PRDM6: variants seen among roughly 807,000 people sequenced by gnomAD.
PRDM6 encodes PR/SET domain 6, also known as putative histone-lysine N-methyltransferase PRDM6.
A neutral mutation model predicts 60.8 loss-of-function variants in PRDM6; 25 were observed. That is an observed-to-expected ratio of 0.41 (90% CI 0.30 to 0.57). The LOEUF is 0.57. Ranked by LOEUF, PRDM6 falls within the 20% of genes least tolerant of loss-of-function variation. PRDM6 has a pLI of 0.27. For synonymous variants in PRDM6, 407 were observed against 357.4 expected, an observed-to-expected ratio of 1.14 and a Z score of -1.57; for missense variants, 839 against 821.3, an observed-to-expected ratio of 1.02 and a Z score of -0.26.
chr5:123,134,839 C>T (rs1332215728), intron 3 of PRDM6, among the ~76,000 whole-genome samples: 1 of 152,122 alleles, frequency 6.6e-6, no homozygotes, highest in Admixed American at 6.5e-5. Context: ...CAGAGATCTG[C>T]AATAGAATGT....
intron 3 of PRDM6, among the ~76,000 whole-genome samples, chr5:123,113,510 A>G (rs943596512): frequency 9.9e-5 from 15 of 152,222 alleles, no homozygotes; most frequent in African/African-American, 3.6e-4. Flanking sequence ...GCCTTGTTAG[A>G]TGTAGGCACT....
intron 5 of PRDM6, among the ~76,000 whole-genome samples, chr5:123,165,262 A>G (rs1765727948): frequency 6.6e-6 from 1 of 152,014 alleles, no homozygotes; most frequent in Non-Finnish European, 1.5e-5. Context: ...AAACCACTCT[A>G]TTCACTCCCA....
At chr5:123,150,596 T>C (rs1765350584) in intron 3 of PRDM6, among the ~76,000 whole-genome samples, 1 of 152,222 alleles carries the variant, frequency 6.6e-6, no homozygotes, top group Non-Finnish European at 1.5e-5. Context: ...TATTTATCTA[T>C]GTTGGCAAAC....
intron 3 of PRDM6, among the ~76,000 whole-genome samples, chr5:123,101,427 AT>A (rs1764100982): frequency 6.6e-6 from 1 of 152,154 alleles, no homozygotes; most frequent in Non-Finnish European, 1.5e-5. Flanking sequence ...GTTTGGAAAC[AT>A]TTTGGTTTTT....
intron 3 of PRDM6, among the ~76,000 whole-genome samples, chr5:123,133,010 A>C (rs550614111): frequency 6.6e-6 from 1 of 152,120 alleles, no homozygotes; most frequent in Non-Finnish European, 1.5e-5. Flanking sequence ...CAAAATGTAC[A>C]GTATTCTAAT....
chr5:123,179,243 T>C (rs1242814349), intron 6 of PRDM6, among the ~76,000 whole-genome samples: 1 of 152,246 alleles, frequency 6.6e-6, no homozygotes, highest in Non-Finnish European at 1.5e-5. Flanking sequence ...ATAATCTTGC[T>C]AATTATCAGG....
intron 2 of PRDM6, among the ~76,000 whole-genome samples, chr5:123,093,804 C>A (rs1490784199): frequency 6.6e-6 from 1 of 152,112 alleles, no homozygotes; most frequent in Non-Finnish European, 1.5e-5. Context: ...GCGCGCCTGG[C>A]GTTTCTGAGT....
intron 2 of PRDM6, among the ~76,000 whole-genome samples, 151 bp downstream of exon 2, chr5:123,090,757 C>G (rs1215620128): frequency 1.3e-5 from 2 of 152,128 alleles, no homozygotes; most frequent in Non-Finnish European, 2.9e-5. Flanking sequence ...CCGCGCCTCC[C>G]CGATCTCTGT....
At chr5:123,171,771 T>G (rs184548588) in intron 6 of PRDM6, among the ~76,000 whole-genome samples, 264 of 152,308 alleles carry the variant, frequency 1.7e-3, no homozygotes, top group Admixed American at 3.7e-3. Context: ...AGGATGAAAT[T>G]TAGCTGAACA....
intron 3 of PRDM6, among the ~76,000 whole-genome samples, chr5:123,125,729 G>A (rs191802552): frequency 1.3e-5 from 2 of 152,186 alleles, no homozygotes; most frequent in Non-Finnish European, 2.9e-5. Flanking sequence ...CTTCCAATAG[G>A]AGAGACTTGA....
intron 3 of PRDM6, among the ~76,000 whole-genome samples, chr5:123,106,539 T>C (rs1403654296): frequency 1.3e-5 from 2 of 152,220 alleles, no homozygotes; most frequent in Non-Finnish European, 2.9e-5. Context: ...TGACAGGTAA[T>C]TTGTTCAAAT....
chr5:123,091,950 A>G (rs964903179), intron 2 of PRDM6, among the ~76,000 whole-genome samples: 1 of 151,116 alleles, frequency 6.6e-6, no homozygotes, highest in East Asian at 1.9e-4. Flanking sequence ...GAAAAAAAAA[A>G]CACTGGGCAA....
At position 123,191,563 on chromosome 5, in the gene PRDM6, A is replaced by T. The variant is rs1327015489; in HGVS notation, c.*4362A>T. 6.6e-6 allele frequency: 1 copy of T among 152,202 alleles called. No individual in the cohort carries two copies. The highest frequency in any genetic ancestry group is 2.4e-5 in the African/African-American group (1 of 41,458). 9.4% of individuals were successfully genotyped at this position (152,202 alleles called of 1,614,324 possible). The stretch of plus-strand genomic sequence containing the variant: ...AGATCCTGACATCAGATTTTAAAAG[A>T]TACTGAGATATATGCTTCTTTAAAT... On this transcript the variant is annotated 3_prime_UTR_variant, in exon 8 of 8. Coordinates refer to ENST00000407847, the MANE Select transcript of PRDM6 (RefSeq NM_001136239.4).
intron 2 of PRDM6, among the ~76,000 whole-genome samples, chr5:123,096,713 T>G (rs551130451): frequency 3.3e-5 from 5 of 152,194 alleles, no homozygotes; most frequent in Non-Finnish European, 5.9e-5. Context: ...GAGCCTCAGT[T>G]TTTCACTTTT....
intron 3 of PRDM6, among the ~76,000 whole-genome samples, chr5:123,113,595 A>G (rs1764364305): frequency 6.6e-6 from 1 of 152,190 alleles, no homozygotes; most frequent in Non-Finnish European, 1.5e-5. Context: ...ATTTCCATGT[A>G]GGTGTTGTGG....
At chr5:123,145,551 A>C (rs940893559) in intron 3 of PRDM6, among the ~76,000 whole-genome samples, 2 of 152,166 alleles carry the variant, frequency 1.3e-5, no homozygotes, top group Admixed American at 1.3e-4. Flanking sequence ...AATGTCTTTG[A>C]TGTAGGCCAG....
chr5:123,142,110 C>T lies in PRDM6; in HGVS notation c.901-13774C>T, dbSNP rs980579496. Reference sequence around the variant, plus strand: ...TTTGCCTAGGTCTAATAAAAGATTGCGACTTAGGTTATCCCACCTCCCTCT... The same window carrying T: ...TTTGCCTAGGTCTAATAAAAGATTGTGACTTAGGTTATCCCACCTCCCTCT... On this transcript the variant is annotated intron_variant, in intron 3 of 7. Coordinates refer to ENST00000407847, the MANE Select transcript of PRDM6 (RefSeq NM_001136239.4). Among the ~76,000 whole-genome samples, 40 of 152,078 alleles carry T rather than the reference C, an allele frequency of 2.6e-4. 1 individual carries two copies. Among genetic ancestry groups the T allele is most frequent in the Admixed American group, 2.2e-3 (34 of 15,260 alleles).
At chr5:123,179,640 C>T (rs866992789) in intron 6 of PRDM6, among the ~76,000 whole-genome samples, 9 of 152,084 alleles carry the variant, frequency 5.9e-5, no homozygotes, top group African/African-American at 1.7e-4. Flanking sequence ...GCTTGTGTCC[C>T]GGGAGGACAG....
intron 3 of PRDM6, among the ~76,000 whole-genome samples, chr5:123,126,293 G>A (rs1764692775): frequency 6.6e-6 from 1 of 152,110 alleles, no homozygotes; most frequent in African/African-American, 2.4e-5. Context: ...CATAAGTTAT[G>A]TCACAGTGAT....
Sources: allele counts gnomAD v4.1 joint callset (sites outside exome capture counted in the v4.1 genomes callset), GRCh38; gene constraint gnomAD v4.1.1; transcripts MANE v1.5; gene names NCBI Gene and HGNC (gene_info 2026-07-23, HGNC 2026-07-21).